SLITRK3: variants seen among roughly 807,000 people sequenced by gnomAD.
SLITRK3 encodes SLIT and NTRK-like protein 3.
In SLITRK3, 16 loss-of-function variants were observed where a neutral mutation model predicts 63.6. That is an observed-to-expected ratio of 0.25 (90% CI 0.17 to 0.38). The LOEUF (loss-of-function observed/expected upper bound fraction) is 0.38, where lower values mean the gene tolerates loss of function less well. SLITRK3 is among the 10% of genes least tolerant of loss of function. SLITRK3 has a pLI of 1.00. For synonymous variants in SLITRK3, 547 were observed against 451.6 expected, an observed-to-expected ratio of 1.21 and a Z score of -2.68; for missense variants, 1,117 against 1,181.4, an observed-to-expected ratio of 0.95 and a Z score of 0.80.
chr3:165,189,872 G>A lies in SLITRK3; in HGVS notation c.959C>T (p.Thr320Ile). Residue 320 changes from threonine to isoleucine, a missense_variant, in exon 2 of 2, where the codon ACT becomes ATT. By Grantham distance (89) the Thr-to-Ile change is moderately conservative. Coordinates refer to ENST00000475390, the MANE Select transcript of SLITRK3 (RefSeq NM_001318810.2). This position sits in a 1 kb window ranked among gnomAD's most constrained non-coding sequence, Gnocchi z 4.0. ...PSSMLSSVHF[T>I]ASSVEYKSSN... ...GGACTTGTATTCGACAGAAGAAGCA[G>A]TAAAATGAACAGAGGATAGCATTGA... The A allele has an allele frequency of 6.2e-7, 1 of 1,614,176 alleles. No individual in the cohort carries two copies. Among genetic ancestry groups the A allele is most frequent in the Non-Finnish European group, 8.5e-7 (1 of 1,180,038 alleles).
chr3:165,189,487 T>C lies in SLITRK3; in HGVS notation c.1344A>G (p.Gln448=). Residue 448 remains glutamine, a synonymous_variant, in exon 2 of 2, where the codon CAA becomes CAG. Coordinates refer to ENST00000475390, the MANE Select transcript of SLITRK3 (RefSeq NM_001318810.2). This position sits in a 1 kb window ranked among gnomAD's most constrained non-coding sequence, Gnocchi z 4.0. The stretch of plus-strand genomic sequence containing the variant: ...TGGGCAAGTTGATAAAGGCCCCATC[T>C]TGGACATAGGAAATACGATTGTTCC... The part of the protein sequence containing the change: ...HLGNNRISYV[Q]DGAFINLPNL... The C allele has an allele frequency of 6.2e-7, 1 of 1,613,726 alleles. No homozygotes were observed.
At position 165,190,036 on chromosome 3, in the gene SLITRK3, G is replaced by C; in HGVS notation, c.795C>G (p.Phe265Leu). ...LVGDITCETP[F>L]HFHGKDLREI... ...CTCGTAGGTCCTTTCCATGGAAGTG[G>C]AAAGGGGTCTCACAGGTAATGTCTC... is the stretch of plus-strand genomic sequence containing the variant. The change falls in exon 2 of 2, where the codon TTC becomes TTG. Residue 265 changes from phenylalanine to leucine, a missense_variant. Phe to Leu is a conservative substitution (Grantham distance 22). Transcript: ENST00000475390. 6.2e-7 allele frequency: 1 copy of C among 1,614,090 alleles called. No individual in the cohort carries two copies. The highest frequency in any genetic ancestry group is 8.5e-7 in the Non-Finnish European group (1 of 1,180,014).
At position 165,196,181 on chromosome 3, in the gene SLITRK3, G is replaced by C. The variant is rs1318647077; in HGVS notation, c.-623C>G. Among the ~76,000 whole-genome samples the C allele has an allele frequency of 6.6e-6, 1 of 151,264 alleles. No homozygotes were observed. Among genetic ancestry groups the C allele is most frequent in the African/African-American group, 2.4e-5 (1 of 41,060 alleles). On this transcript the variant is annotated 5_prime_UTR_variant, in exon 1 of 2. Coordinates refer to ENST00000475390, the MANE Select transcript of SLITRK3 (RefSeq NM_001318810.2). ...AGATGAGAGAAGAAAAGGGTGGGGA[G>C]AGGCGGAAAGGAGGCAGGAAGGGGG... is the stretch of plus-strand genomic sequence containing the variant.
chr3:165,188,336 G>T lies in SLITRK3; in HGVS notation c.2495C>A (p.Thr832Lys), dbSNP rs745603572. Residue 832 changes from threonine to lysine, a missense_variant, in exon 2 of 2, where the codon ACG becomes AAG. Physicochemically the swap from Thr to Lys is moderately conservative, Grantham distance 78. Transcript: ENST00000475390. ...VSSSQLNTIV[T>K]VNHHHPHHPA... ...GTGGTGAGGGTGATGGTGATTCACC[G>T]TCACTATGGTGTTAAGCTGGGAGCT... 1.2e-6 allele frequency: 2 copies of T among 1,613,928 alleles called. No individual in the cohort carries two copies. Among genetic ancestry groups the T allele is most frequent in the Non-Finnish European group, 8.5e-7 (1 of 1,179,968 alleles).
At position 165,188,362 on chromosome 3, in the gene SLITRK3, G is replaced by C; in HGVS notation, c.2469C>G (p.Ser823=). The change falls in exon 2 of 2, where the codon TCC becomes TCG. Residue 823 remains serine, a synonymous_variant. Coordinates refer to ENST00000475390, the MANE Select transcript of SLITRK3 (RefSeq NM_001318810.2). ...EKEKEWALAV[S]SSQLNTIVTV... ...TCACTATGGTGTTAAGCTGGGAGCT[G>C]GACACTGCTAGGGCCCACTCCTTCT... 2 of 1,613,966 alleles carry C rather than the reference G, an allele frequency of 1.2e-6. No homozygotes were observed. The highest frequency in any genetic ancestry group is 1.7e-6 in the Non-Finnish European group (2 of 1,180,000).
intron 1 of SLITRK3, 143 bp downstream of exon 1, chr3:165,195,437 A>G (rs1384086543): frequency 6.6e-6 from 1 of 152,184 alleles, no homozygotes; most frequent in Non-Finnish European, 1.5e-5. Context: ...AACTGATCCA[A>G]TTCAAAACTG....
chr3:165,196,451 G>C (rs1718420345), upstream of SLITRK3: 1 of 153,642 alleles, frequency 6.5e-6, no homozygotes, highest in Non-Finnish European at 1.5e-5. Flanking sequence ...GGGGTGGGAG[G>C]GGGAGGGGAC....
intron 1 of SLITRK3, among the ~76,000 whole-genome samples, chr3:165,193,106 AGTGTGTGTGT>A (rs35240347): frequency 9.8e-5 from 14 of 143,336 alleles, no homozygotes; most frequent in African/African-American, 3.6e-4. Flanking sequence ...CAGTTGAGTG[AGTGTGTGTGT>A]GTGTGTGTGT....
At position 165,190,089 on chromosome 3, in the gene SLITRK3, C is replaced by T; in HGVS notation, c.742G>A (p.Glu248Lys). The change falls in exon 2 of 2, where the codon GAA (glutamate) becomes AAA (lysine). Residue 248 changes from glutamate to lysine, a missense_variant. Physicochemically the swap from Glu to Lys is moderately conservative, Grantham distance 56. Around this residue, in one of 4 missense-constraint regions of SLITRK3, gnomAD observed 452 missense variants for 495.3 expected, o/e 0.91. Coordinates refer to ENST00000475390, the MANE Select transcript of SLITRK3 (RefSeq NM_001318810.2). ...CEIVQLKSWL[E>K]RIPYTALVGD... ...ACCAGGGCAGTATAAGGAATGCGTT[C>T]CAGCCAACTCTTCAGTTGTACAATT... The T allele has an allele frequency of 6.2e-7, 1 of 1,614,140 alleles. No homozygotes were observed. Among genetic ancestry groups the T allele is most frequent in the South Asian group, 1.1e-5 (1 of 91,086 alleles).
intron 1 of SLITRK3, among the ~76,000 whole-genome samples, chr3:165,192,642 TGAA>T (rs1718276107): frequency 6.6e-6 from 1 of 150,540 alleles, no homozygotes; most frequent in South Asian, 2.1e-4. Flanking sequence ...TTTGCTTTGC[TGAA>T]GCTGAAGCAA....
chr3:165,187,843 T>C lies in SLITRK3; in HGVS notation c.*54A>G. 7.0e-7 allele frequency: 1 copy of C among 1,423,734 alleles called. No individual in the cohort carries two copies. The highest frequency in any genetic ancestry group is 9.6e-7 in the Non-Finnish European group (1 of 1,044,832). The allele number at this position is 1,423,734 out of a possible 1,614,324, so 88.2% of individuals were successfully genotyped here. A position where few individuals can be genotyped will look rare whatever the true frequency, so the allele number is the denominator to read the frequency against. ...AAGGGAGCAAGGGATATATTTCTTT[T>C]ATTTTCCTTTTCTTTTGAAAAAAAA... On this transcript the variant is annotated 3_prime_UTR_variant, in exon 2 of 2. Coordinates refer to ENST00000475390, the MANE Select transcript of SLITRK3 (RefSeq NM_001318810.2).
intron 1 of SLITRK3, among the ~76,000 whole-genome samples, chr3:165,194,515 A>C (rs546038985): frequency 8.5e-5 from 13 of 152,130 alleles, no homozygotes; most frequent in African/African-American, 3.1e-4. Context: ...GACTCACCCT[A>C]TTGCTCCCAT....
In SLITRK3 at chr3:165,187,410, A is replaced by C. The variant is rs1717992993; in HGVS notation, c.*487T>G. 1 of 147,266 alleles carries C rather than the reference A, an allele frequency of 6.8e-6. No homozygotes were observed. Among genetic ancestry groups the C allele is most frequent in the African/African-American group, 2.5e-5 (1 of 39,562 alleles). 9.1% of individuals were successfully genotyped at this position (147,266 alleles called of 1,614,324 possible). A position where few individuals can be genotyped will look rare whatever the true frequency, so the allele number is the denominator to read the frequency against. ...CAGGCATGCAGCAAACTGCATTGTT[A>C]ATACATGTACAGAATCTGTGCCATG... On this transcript the variant is annotated 3_prime_UTR_variant, in exon 2 of 2. Transcript: ENST00000475390.
In SLITRK3 at chr3:165,190,794, T is replaced by C; in HGVS notation, c.37A>G (p.Arg13Gly). Residue 13 changes from arginine to glycine, a missense_variant, in exon 2 of 2, where the codon AGG (arginine) becomes GGG (glycine). Arg to Gly is a moderately radical substitution (Grantham distance 125). Coordinates refer to ENST00000475390, the MANE Select transcript of SLITRK3 (RefSeq NM_001318810.2). The stretch of plus-strand genomic sequence containing the variant: ...CTTAGAAGAATTATCCACAACATCC[T>C]TCCTCTGTGAAGCATCTCAGCTATG... ...PSIAEMLHRG[R>G]MLWIILLSTI... The C allele has an allele frequency of 6.2e-7, 1 of 1,606,870 alleles. No individual in the cohort carries two copies. The highest frequency in any genetic ancestry group is 8.5e-7 in the Non-Finnish European group (1 of 1,176,444).
chr3:165,190,305 T>A lies in SLITRK3; in HGVS notation c.526A>T (p.Arg176Trp). Reference protein sequence around the residue: ...SGAFRNLSKLRVLILNDNLIP... With the variant: ...SGAFRNLSKLWVLILNDNLIP... ...AGATTATCATTTAAAATCAGAACCC[T>A]CAATTTACTTAGGTTCCGAAATGCC... Residue 176 changes from arginine to tryptophan, a missense_variant, in exon 2 of 2, where the codon AGG (arginine) becomes TGG (tryptophan). Transcript: ENST00000475390. 1 of 1,614,132 alleles carries A rather than the reference T, an allele frequency of 6.2e-7. No individual in the cohort carries two copies. Among genetic ancestry groups the A allele is most frequent in the Non-Finnish European group, 8.5e-7 (1 of 1,179,986 alleles).
chr3:165,188,508 C>T lies in SLITRK3; in HGVS notation c.2323G>A (p.Ala775Thr). The T allele has an allele frequency of 6.2e-7, 1 of 1,614,078 alleles. No homozygotes were observed. Among genetic ancestry groups the T allele is most frequent in the Non-Finnish European group, 8.5e-7 (1 of 1,180,012 alleles). Residue 775 changes from alanine (A) to threonine (T), a missense_variant, in exon 2 of 2, where the codon GCA becomes ACA. Transcript: ENST00000475390. ...TGTGTCCCTGGACCCCCACGTTCTG[C>T]ACTCCCTGCTTCTTGGGCTGATGAA... ...AVSSAQEAGS[A>T]ERGGPGTQPP... is the part of the protein sequence containing the mutation.
chr3:165,196,897 G>GTCTCTCTGTCTCTCTC (rs1718450537), upstream of SLITRK3: 1 of 96,474 alleles, frequency 1.0e-5, no homozygotes, highest in African/African-American at 3.6e-5. Flanking sequence ...CTCTCTCTCT[G>GTCTCTCTGTCTCTCTC]TCTCTCTCTC....
upstream of SLITRK3, chr3:165,196,960 C>T (rs969331091): frequency 7.1e-6 from 1 of 141,032 alleles, no homozygotes; most frequent in Non-Finnish European, 1.6e-5. Context: ...CGCTCTCTCT[C>T]TCGCTCTCGC....
intron 1 of SLITRK3, among the ~76,000 whole-genome samples, chr3:165,192,712 G>C (rs1004043419): frequency 6.6e-6 from 1 of 150,832 alleles, no homozygotes; most frequent in African/African-American, 2.4e-5. Flanking sequence ...AAAGCAGCAA[G>C]CTTGAGACGT....
Sources: gnomAD v4.1 joint callset for allele counts (sites outside exome capture counted in the v4.1 genomes callset) on GRCh38, gnomAD v4.1.1 for gene constraint, gnomAD v4.1.1 regional missense constraint, Gnocchi (gnomAD v3.1) non-coding constraint, MANE v1.5 for transcripts, NCBI Gene and HGNC (gene_info 2026-07-23, HGNC 2026-07-21) for gene names.